Variants in ENTREP1 observed in about 807,000 individuals in gnomAD.
The protein encoded by ENTREP1 is Friedreich ataxia region gene X123.
the ENTREP1 span, chr9:69,383,853 C>G: frequency 9.9e-5 from 155 of 1,569,598 alleles, no homozygotes; most frequent in South Asian, 1.7e-3. Context: ...AGCAGGGAGA[C>G]CGGGCCCCAC....
chr9:69,362,563 A>G, the ENTREP1 span, among the ~76,000 whole-genome samples: 1 of 152,236 alleles, frequency 6.6e-6, no homozygotes. Flanking sequence ...TCAAATGAAT[A>G]ACAAAATATA....
At chr9:69,343,337 TA>T in the ENTREP1 span, among the ~76,000 whole-genome samples, 124 of 152,344 alleles carry the variant, frequency 8.1e-4, no homozygotes, top group Non-Finnish European at 1.3e-3. Context: ...CAAGCAAAGC[TA>T]AGTTTATAAG....
chr9:69,331,120 C>T, the ENTREP1 span, among the ~76,000 whole-genome samples: 1 of 151,962 alleles, frequency 6.6e-6, no homozygotes, highest in Non-Finnish European at 1.5e-5. Context: ...AAAAAGTTGC[C>T]ATTGTAAGAG....
At chr9:69,353,889 G>GA in the ENTREP1 span, among the ~76,000 whole-genome samples, 5 of 152,026 alleles carry the variant, frequency 3.3e-5, no homozygotes, top group Admixed American at 2.0e-4. Flanking sequence ...TCTTTGATAT[G>GA]AAAAATTTCA....
At chr9:69,356,094 C>T in the ENTREP1 span, among the ~76,000 whole-genome samples, 6 of 152,176 alleles carry the variant, frequency 3.9e-5, no homozygotes, top group Non-Finnish European at 7.3e-5. Context: ...TTTTCATCAT[C>T]CCAAGTAGAA....
the ENTREP1 span, among the ~76,000 whole-genome samples, chr9:69,361,225 G>C: frequency 6.6e-6 from 1 of 152,122 alleles, no homozygotes; most frequent in African/African-American, 2.4e-5. Context: ...TCATTATCCA[G>C]ATCAAGATAC....
At chr9:69,358,722 T>G in the ENTREP1 span, among the ~76,000 whole-genome samples, 1 of 152,154 alleles carries the variant, frequency 6.6e-6, no homozygotes, top group Admixed American at 6.5e-5. Context: ...GGTGAACTGC[T>G]CATATTTAAA....
At chr9:69,325,159 A>C in the ENTREP1 span, 2 of 1,032,362 alleles carry the variant, frequency 1.9e-6, no homozygotes, top group African/African-American at 1.7e-5. Context: ...GGCGGCAGCA[A>C]GTGGTTGGGC....
chr9:69,327,010 G>GA, the ENTREP1 span, among the ~76,000 whole-genome samples: 24 of 139,444 alleles, frequency 1.7e-4, no homozygotes, highest in South Asian at 4.7e-4. Flanking sequence ...AGACCAAATT[G>GA]AAAAAAAAAA....
chr9:69,324,942 T>C, the ENTREP1 span: 1 of 984,498 alleles, frequency 1.0e-6, no homozygotes, highest in South Asian at 4.7e-5. Context: ...GGGACTTACT[T>C]AAATATTTGG....
chr9:69,325,152 G>C, the ENTREP1 span: 64 of 1,037,214 alleles, frequency 6.2e-5, no homozygotes, highest in Admixed American at 1.1e-4. Flanking sequence ...CGGCAGCGGC[G>C]GCAGCAAGTG....
chr9:69,387,683 G>A, the ENTREP1 span: 1 of 340,344 alleles, frequency 2.9e-6, no homozygotes, highest in Admixed American at 4.3e-5. Context: ...TTGGGACAAA[G>A]GTATAGTCAA....
chr9:69,374,850 T>A, the ENTREP1 span, among the ~76,000 whole-genome samples: 2 of 152,192 alleles, frequency 1.3e-5, no homozygotes, highest in Admixed American at 6.5e-5. Context: ...TGAGAATAAG[T>A]TTTTAGAAAT....
At chr9:69,336,754 C>G in the ENTREP1 span, among the ~76,000 whole-genome samples, 1 of 152,054 alleles carries the variant, frequency 6.6e-6, no homozygotes, top group East Asian at 1.9e-4. Context: ...CACTGTTGCC[C>G]AGGCTGGAGT....
the ENTREP1 span, among the ~76,000 whole-genome samples, chr9:69,373,518 T>C: frequency 6.6e-6 from 1 of 152,188 alleles, no homozygotes; most frequent in Admixed American, 6.6e-5. Context: ...CTGCATCCTG[T>C]TTTTATCACT....
chr9:69,391,047 G>A, the ENTREP1 span, among the ~76,000 whole-genome samples: 1 of 151,318 alleles, frequency 6.6e-6, no homozygotes, highest in Non-Finnish European at 1.5e-5. Flanking sequence ...GCCTCCCAAA[G>A]TGCTGGGATT....
chr9:69,329,079 GTTTA>G, the ENTREP1 span, among the ~76,000 whole-genome samples: 4 of 152,192 alleles, frequency 2.6e-5, no homozygotes, highest in Admixed American at 1.3e-4. Context: ...GATATGCCAT[GTTTA>G]TTTATTCACT....
the ENTREP1 span, among the ~76,000 whole-genome samples, chr9:69,340,779 G>GTA: frequency 1.4e-5 from 2 of 145,504 alleles, no homozygotes; most frequent in African/African-American, 2.6e-5. Context: ...GTGTGTGTAT[G>GTA]TGTGTGTGCA....
At chr9:69,368,882 C>T in the ENTREP1 span, among the ~76,000 whole-genome samples, 3 of 151,860 alleles carry the variant, frequency 2.0e-5, no homozygotes, top group Admixed American at 6.6e-5. Context: ...ATGTGCAGAA[C>T]GTGCAGGTTC....
Sources: gnomAD v4.1 joint callset for allele counts (sites outside exome capture counted in the v4.1 genomes callset) on GRCh38, gnomAD v4.1.1 for gene constraint, MANE v1.5 for transcripts, NCBI Gene and HGNC (gene_info 2026-07-23, HGNC 2026-07-21) for gene names.